Variants in OSBPL6 observed in about 807,000 individuals in gnomAD.
OSBPL6 encodes the protein oxysterol-binding protein-related protein 6.
OSBPL6 carries 49 observed loss-of-function variants against 125.8 expected under a neutral mutation model. The ratio of observed to expected loss-of-function variants is 0.39; its 90% CI spans 0.31 to 0.49. The LOEUF (loss-of-function observed/expected upper bound fraction) is 0.49, where lower values mean the gene tolerates loss of function less well. OSBPL6 is among the 20% of genes least tolerant of loss of function. OSBPL6 has a pLI of 0.88. For synonymous variants in OSBPL6, 394 were observed against 391.8 expected (o/e 1.01, Z -0.07); for missense variants, 986 against 1,135.4 (o/e 0.87, Z 1.89).
intron 15 of OSBPL6, among the ~76,000 whole-genome samples, chr2:178,376,930 T>TA (rs1693928794): frequency 6.6e-6 from 1 of 152,212 alleles, no homozygotes; most frequent in South Asian, 2.1e-4. Flanking sequence ...CTTCTCCCTT[T>TA]ATCACAACAC....
chr2:178,324,209 T>C lies in OSBPL6; in HGVS notation c.135T>C (p.Ser45=). The change falls in exon 4 of 25, where the codon TCT becomes TCC. Residue 45 remains serine, a synonymous_variant. Coordinates refer to ENST00000190611, the MANE Select transcript of OSBPL6 (RefSeq NM_032523.4). ...ACATACTGGAGAGGACTGCTTCCTC[T>C]AGCACCGAGCCCTCTGTAAGTCGGC... ...SIHILERTAS[S]STEPSVSRQL... 1 of 1,582,068 alleles carries C rather than the reference T, an allele frequency of 6.3e-7. No individual in the cohort carries two copies.
intron 2 of OSBPL6, 100 bp downstream of exon 2, chr2:178,285,221 A>G (rs1408345315): frequency 5.1e-6 from 2 of 395,852 alleles, no homozygotes; most frequent in Non-Finnish European, 8.9e-6. Flanking sequence ...AGTCACAGGA[A>G]GGTGTTTCTT....
rs1681656622 is a variant in OSBPL6 at position 178,395,941 on chromosome 2, G to C, written c.*382G>C. ...ACAACAACATAGAAACCACACGATT[G>C]TTCCACTGTCTGGAAGCACCATCCC... On this transcript the variant is annotated 3_prime_UTR_variant, in exon 25 of 25. Coordinates refer to ENST00000190611, the MANE Select transcript of OSBPL6 (RefSeq NM_032523.4). 2 of 376,732 alleles carry C rather than the reference G, an allele frequency of 5.3e-6. No homozygotes were observed. Among genetic ancestry groups the C allele is most frequent in the Non-Finnish European group, 1.0e-5 (2 of 195,612 alleles). The allele number at this position is 376,732 out of a possible 1,614,324, so 23.3% of individuals were successfully genotyped here.
intron 5 of OSBPL6, 97 bp downstream of exon 5, chr2:178,328,475 G>A: frequency 2.7e-6 from 4 of 1,470,702 alleles, no homozygotes; most frequent in Non-Finnish European, 3.7e-6. Context: ...ATGGCAGTAT[G>A]TGTAAAACTA....
intron 1 of OSBPL6, among the ~76,000 whole-genome samples, chr2:178,220,368 C>T (rs1378532465): frequency 6.6e-6 from 1 of 152,144 alleles, no homozygotes; most frequent in Non-Finnish European, 1.5e-5. Flanking sequence ...GTGATCTTGG[C>T]TCACTGTAAC....
Position 178,373,948 on chromosome 2 carries a change from G to A in OSBPL6, c.1454G>A (p.Arg485His), listed in dbSNP as rs149806664. 2.8e-5 allele frequency: 45 copies of A among 1,614,040 alleles called. No individual in the cohort carries two copies. Among genetic ancestry groups the A allele is most frequent in the African/African-American group, 4.0e-5 (3 of 75,016 alleles). ...PLSQQVANES[R>H]LSMSESVSEF... ...TCACAGCAAGTAGCCAATGAGAGCCGCCTCTCCATGTCAGAGTCTGTTTCT... is the reference window on the plus strand; with the variant it reads ...TCACAGCAAGTAGCCAATGAGAGCCACCTCTCCATGTCAGAGTCTGTTTCT... Residue 485 changes from arginine (R) to histidine (H), a missense_variant, in exon 15 of 25, where the codon CGC becomes CAC. By Grantham distance (29) the Arg-to-His change is conservative. Around this residue, in one of 3 missense-constraint regions of OSBPL6, gnomAD observed 843 missense variants for 997.3 expected, o/e 0.85. Coordinates refer to ENST00000190611, the MANE Select transcript of OSBPL6 (RefSeq NM_032523.4).
chr2:178,383,314 T>C, intron 17 of OSBPL6, 37 bp downstream of exon 17: 2 of 1,602,150 alleles, frequency 1.2e-6, no homozygotes, highest in Non-Finnish European at 8.5e-7. Flanking sequence ...CCCTCAGGGA[T>C]TTGCCAACCC....
intron 1 of OSBPL6, among the ~76,000 whole-genome samples, chr2:178,221,854 C>T (rs142217966): frequency 1.3e-5 from 2 of 152,300 alleles, no homozygotes; most frequent in African/African-American, 4.8e-5. Context: ...GCTTCACTTT[C>T]CTGAGTTCAG....
chr2:178,331,234 A>G (rs1179573535), intron 5 of OSBPL6, among the ~76,000 whole-genome samples: 1 of 152,228 alleles, frequency 6.6e-6, no homozygotes, highest in Non-Finnish European at 1.5e-5. Flanking sequence ...TTTGAAAAAC[A>G]TCCCAATGTG....
chr2:178,395,415 G>T, intron 24 of OSBPL6, 36 bp from the exon 25 acceptor site: 1 of 1,476,080 alleles, frequency 6.8e-7, no homozygotes, highest in South Asian at 1.1e-5. Context: ...ACCTTGATGT[G>T]ATTCATGACT....
chr2:178,267,353 C>CAAAAAAAAAAAAAAAAAAAAAAAAAAAA (rs57444695), intron 1 of OSBPL6, among the ~76,000 whole-genome samples: 1 of 81,754 alleles, frequency 1.2e-5, no homozygotes. Flanking sequence ...AACTCCATCT[C>CAAAAAAAAAAAAAAAAAAAAAAAAAAAA]AAAAAAAAAA....
intron 1 of OSBPL6, among the ~76,000 whole-genome samples, chr2:178,242,000 G>C (rs333998): frequency 0.64 from 97,017 of 152,128 alleles, 33,176 homozygotes; most frequent in African/African-American, 0.9. Context: ...TACCGTACAG[G>C]GTGGGTGTGT....
At position 178,372,138 on chromosome 2, in the gene OSBPL6, A is replaced by C; in HGVS notation, c.1300A>C (p.Asn434His). 1 of 1,612,002 alleles carries C rather than the reference A, an allele frequency of 6.2e-7. No homozygotes were observed. The highest frequency in any genetic ancestry group is 1.1e-5 in the South Asian group (1 of 90,618). ...RQSLSQALNQ[N>H]AELRSRLNRI... Reference sequence around the variant, plus strand: ...TTGTTATTTTAAGGCACTCAACCAGAATGCTGAACTAAGGAGTCGGTTGAA... The same window carrying C: ...TTGTTATTTTAAGGCACTCAACCAGCATGCTGAACTAAGGAGTCGGTTGAA... Residue 434 changes from asparagine to histidine, a missense_variant, in exon 14 of 25, where the codon AAT (asparagine) becomes CAT (histidine). Coordinates refer to ENST00000190611, the MANE Select transcript of OSBPL6 (RefSeq NM_032523.4).
At chr2:178,375,684 A>G (rs940742174) in intron 15 of OSBPL6, among the ~76,000 whole-genome samples, 1 of 152,066 alleles carries the variant, frequency 6.6e-6, no homozygotes, top group South Asian at 2.1e-4. Context: ...CAGCCTCCCA[A>G]AGTGCTGGGA....
rs765590822 is a variant in OSBPL6, at chr2:178,392,455, GT to G, written c.2493del (p.Phe831LeufsTer8). The G allele has an allele frequency of 6.2e-7, 1 of 1,614,008 alleles. No individual in the cohort carries two copies. Among genetic ancestry groups the G allele is most frequent in the Non-Finnish European group, 8.5e-7 (1 of 1,179,948 alleles). On this transcript the variant is annotated frameshift_variant, in exon 23 of 25. Coordinates refer to ENST00000190611, the MANE Select transcript of OSBPL6 (RefSeq NM_032523.4). LOFTEE classifies it high-confidence loss of function. ...NYELYYGFTR[F>X]AIELNELDPV... ...ATGAGCTGTACTATGGCTTCACAAG[GT>G]TTGCTATTGAGCTCAATGAGTTAGA...
intron 1 of OSBPL6, among the ~76,000 whole-genome samples, chr2:178,242,158 G>T (rs1232032014): frequency 1.3e-5 from 2 of 152,192 alleles, no homozygotes; most frequent in African/African-American, 4.8e-5. Flanking sequence ...TCTTTAAGTG[G>T]ATTTGATGTG....
chr2:178,310,919 A>T (rs1399001996), intron 3 of OSBPL6, among the ~76,000 whole-genome samples: 2 of 152,102 alleles, frequency 1.3e-5, no homozygotes, highest in Non-Finnish European at 2.9e-5. Flanking sequence ...AGCCACCGTC[A>T]TTTCTCACCT....
At chr2:178,202,405 G>GT (rs2089301172) in intron 1 of OSBPL6, among the ~76,000 whole-genome samples, 1 of 152,130 alleles carries the variant, frequency 6.6e-6, no homozygotes, top group African/African-American at 2.4e-5. Context: ...AAAATTCTAG[G>GT]TAGACTGTAT....
intron 9 of OSBPL6, among the ~76,000 whole-genome samples, chr2:178,337,094 G>A (rs921909419): frequency 3.3e-5 from 5 of 151,922 alleles, no homozygotes; most frequent in African/African-American, 1.2e-4. Context: ...GAGCACAATG[G>A]TTCAAACTTG....
Sources: allele counts gnomAD v4.1 joint callset (sites outside exome capture counted in the v4.1 genomes callset), GRCh38; gene constraint gnomAD v4.1.1; regional missense constraint gnomAD v4.1.1; transcripts MANE v1.5; gene names NCBI Gene and HGNC (gene_info 2026-07-23, HGNC 2026-07-21).